LARP1B: variants seen among roughly 807,000 people sequenced by gnomAD.
The protein encoded by LARP1B is La ribonucleoprotein 1B.
Under a neutral mutation model 114.2 loss-of-function variants are expected in LARP1B, and 76 were observed. That is an observed-to-expected ratio of 0.67 (90% confidence interval 0.55 to 0.81). LARP1B has a LOEUF of 0.81. Ranked by LOEUF, LARP1B falls within the 30% of genes least tolerant of loss-of-function variation. LARP1B has a pLI of 0.00. For synonymous variants in LARP1B, 345 were observed against 348.0 expected, an observed-to-expected ratio of 0.99 and a Z score of 0.10; for missense variants, 1,014 against 1,075.8, an observed-to-expected ratio of 0.94 and a Z score of 0.80.
At chr4:128,177,931 G>A (rs1481859670) in intron 13 of LARP1B, among the ~76,000 whole-genome samples, 2 of 151,746 alleles carry the variant, frequency 1.3e-5, no homozygotes, top group East Asian at 1.9e-4. Flanking sequence ...CTATCTGCAG[G>A]AGAATGGATA....
At chr4:128,111,681 GC>G (rs1784157882) in intron 9 of LARP1B, among the ~76,000 whole-genome samples, 1 of 107,700 alleles carries the variant, frequency 9.3e-6, no homozygotes, top group Admixed American at 1.2e-4. Flanking sequence ...GCTGTAAGGG[GC>G]CCTGTCTCTT....
intron 11 of LARP1B, chr4:128,122,419 C>A: frequency 6.7e-7 from 1 of 1,486,164 alleles, no homozygotes; most frequent in Non-Finnish European, 8.9e-7. Flanking sequence ...AAAATTAGTA[C>A]TCACTGACTT....
intron 12 of LARP1B, among the ~76,000 whole-genome samples, chr4:128,162,581 T>G (rs1227397756): frequency 6.6e-6 from 1 of 152,142 alleles, no homozygotes; most frequent in Non-Finnish European, 1.5e-5. Context: ...TTGCTGGGAA[T>G]GTTTCTCTTC....
chr4:128,107,051 T>C, intron 8 of LARP1B, 88 bp from the exon 9 acceptor site: 1 of 1,075,824 alleles, frequency 9.3e-7, no homozygotes, highest in Non-Finnish European at 1.4e-6. Flanking sequence ...GTTTGCTAAT[T>C]TCAGGTTTTC....
chr4:128,146,135 T>C (rs1730241012), intron 11 of LARP1B, among the ~76,000 whole-genome samples: 2 of 152,362 alleles, frequency 1.3e-5, no homozygotes, highest in South Asian at 2.1e-4. Context: ...TTTCTAGTTA[T>C]GTCTATATGT....
At chr4:128,122,333 T>C (rs1788209812) in intron 11 of LARP1B, 145 bp downstream of exon 11, 11 of 1,468,168 alleles carry the variant, frequency 7.5e-6, no homozygotes, top group South Asian at 2.9e-5. Flanking sequence ...CCTGGAAATA[T>C]ACCTGATAAT....
intron 10 of LARP1B, among the ~76,000 whole-genome samples, chr4:128,119,270 A>AT (rs1787098465): frequency 6.6e-6 from 1 of 152,148 alleles, no homozygotes; most frequent in African/African-American, 2.4e-5. Flanking sequence ...TTTCTCCAAA[A>AT]TTGCTAAAAC....
At chr4:128,134,956 A>T (rs1039029994) in intron 11 of LARP1B, among the ~76,000 whole-genome samples, 5 of 152,006 alleles carry the variant, frequency 3.3e-5, no homozygotes, top group Non-Finnish European at 7.4e-5. Context: ...AATACAAAAA[A>T]TTAGGGTTGG....
intron 11 of LARP1B, chr4:128,155,702 A>T (rs967779354): frequency 2.8e-5 from 45 of 1,606,962 alleles, no homozygotes; most frequent in Admixed American, 1.0e-4. Context: ...CCGGAGGAAG[A>T]GGAGCGCCGC....
intron 11 of LARP1B, among the ~76,000 whole-genome samples, chr4:128,148,154 G>C (rs1731139803): frequency 6.6e-6 from 1 of 152,144 alleles, no homozygotes; most frequent in Non-Finnish European, 1.5e-5. Flanking sequence ...TCTAAAGCTG[G>C]GCGCGGTGGC....
At chr4:128,122,983 TATAATAAGGGAAA>T (rs1788481837) in intron 11 of LARP1B, 1 of 983,998 alleles carries the variant, frequency 1.0e-6, no homozygotes, top group African/African-American at 1.7e-5. Context: ...CAGTAGAGGG[TATAATAAGGGAAA>T]ATTATATAAC....
chr4:128,067,101 G>T (rs907955942), intron 1 of LARP1B, among the ~76,000 whole-genome samples: 1 of 151,980 alleles, frequency 6.6e-6, no homozygotes, highest in Non-Finnish European at 1.5e-5. Context: ...AGCCACCATG[G>T]TTGACCTCAG....
At chr4:128,201,935 A>T (rs888369088) in intron 17 of LARP1B, among the ~76,000 whole-genome samples, 1 of 152,194 alleles carries the variant, frequency 6.6e-6, no homozygotes, top group African/African-American at 2.4e-5. Context: ...ATAAGAATAT[A>T]TTGTTTACCA....
chr4:128,082,296 G>T lies in LARP1B; in HGVS notation c.349G>T (p.Asp117Tyr). The T allele has an allele frequency of 1.2e-6, 2 of 1,613,738 alleles. No individual in the cohort carries two copies. The highest frequency in any genetic ancestry group is 1.7e-6 in the Non-Finnish European group (2 of 1,179,810). The change falls in exon 5 of 20, where the codon GAT (aspartate) becomes TAT (tyrosine). Residue 117 changes from aspartate to tyrosine, a missense_variant. Asp to Tyr is a radical substitution (Grantham distance 160). Transcript: ENST00000326639. ...ACCAACACATAACAATAGGAGAAAT[G>T]ATACACGAAGTAAGTTACCATTCTA... Reference protein sequence around the residue: ...NKPTHNNRRNDTRSWKRDREK... With the variant: ...NKPTHNNRRNYTRSWKRDREK...
intron 19 of LARP1B, among the ~76,000 whole-genome samples, chr4:128,209,220 A>G (rs1758422177): frequency 6.6e-6 from 1 of 152,160 alleles, no homozygotes; most frequent in Non-Finnish European, 1.5e-5. Flanking sequence ...GGAGTTTGAG[A>G]CCACCCAGGG....
chr4:128,116,889 C>G (rs1786035359), intron 10 of LARP1B, among the ~76,000 whole-genome samples: 2 of 145,208 alleles, frequency 1.4e-5, no homozygotes, highest in Non-Finnish European at 3.0e-5. Context: ...CATTCACATT[C>G]TTTTTATCAA....
intron 4 of LARP1B, among the ~76,000 whole-genome samples, chr4:128,080,354 A>G (rs1579965946): frequency 6.6e-6 from 1 of 152,152 alleles, no homozygotes; most frequent in Non-Finnish European, 1.5e-5. Context: ...AGTTAGAACA[A>G]TTGGTATAAT....
intron 11 of LARP1B, among the ~76,000 whole-genome samples, chr4:128,138,737 TA>T (rs1726561747): frequency 6.6e-6 from 1 of 152,118 alleles, no homozygotes; most frequent in Non-Finnish European, 1.5e-5. Context: ...CCAGGTGGAT[TA>T]CCTGAGGTCA....
Position 128,098,282 on chromosome 4 carries a change from T to G in LARP1B, c.765T>G (p.Gly255=). ...TCTTGCCTATTTCCCTGATTGCTGG[T>G]TTTCAGCGTGTTCAGGCTCTCACTA... ...QGFLPISLIA[G]FQRVQALTTN... Residue 255 remains glycine (G), a synonymous_variant, in exon 8 of 20, where the codon GGT becomes GGG. Coordinates refer to ENST00000326639, the MANE Select transcript of LARP1B (RefSeq NM_018078.4). 6.2e-7 allele frequency: 1 copy of G among 1,613,932 alleles called. No individual in the cohort carries two copies. The highest frequency in any genetic ancestry group is 8.5e-7 in the Non-Finnish European group (1 of 1,179,868).
Sources: allele counts gnomAD v4.1 joint callset (sites outside exome capture counted in the v4.1 genomes callset), GRCh38; gene constraint gnomAD v4.1.1; transcripts MANE v1.5; gene names NCBI Gene and HGNC (gene_info 2026-07-23, HGNC 2026-07-21).